FBXO42: variants seen among roughly 807,000 people sequenced by gnomAD.
FBXO42 encodes the protein F-box only protein 42.
A neutral mutation model predicts 71.7 loss-of-function variants in FBXO42; 12 were observed. The ratio of observed to expected loss-of-function variants is 0.17; its 90% CI spans 0.11 to 0.27. FBXO42 has a LOEUF of 0.27. FBXO42 is among the 10% of genes least tolerant of loss of function. The pLI is 1.00. For missense variants in FBXO42, 707 were observed against 911.9 expected, an observed-to-expected ratio of 0.78 and a Z score of 2.89; for synonymous variants, 325 against 327.5, an observed-to-expected ratio of 0.99 and a Z score of 0.08.
At chr1:16,308,145 C>T (rs1295471174) in intron 2 of FBXO42, among the ~76,000 whole-genome samples, 1 of 151,582 alleles carries the variant, frequency 6.6e-6, no homozygotes, top group African/African-American at 2.4e-5. Context: ...CAAATACAGT[C>T]CATTCATTTT....
intron 1 of FBXO42, among the ~76,000 whole-genome samples, chr1:16,318,216 C>T (rs1304641802): frequency 2.0e-5 from 3 of 152,174 alleles, no homozygotes; most frequent in Admixed American, 6.6e-5. Context: ...GTCAAGAGTT[C>T]GAGACCAGCA....
In FBXO42 at chr1:16,322,566, ACT is replaced by A. The variant is rs1381146625; in HGVS notation, c.-17-7133_-17-7132del. On this transcript the variant is annotated intron_variant, in intron 1 of 9. Coordinates refer to ENST00000375592, the MANE Select transcript of FBXO42 (RefSeq NM_018994.3). Reference sequence around the variant, plus strand: ...ACTCCAGCCTGGGCAACAGAGCGAGACTCTGTCTCAAAATACAAAAAAAATTT... The same window carrying A: ...ACTCCAGCCTGGGCAACAGAGCGAGACTGTCTCAAAATACAAAAAAAATTT... Among the ~76,000 whole-genome samples, 16 of 152,174 alleles carry A rather than the reference ACT, an allele frequency of 1.1e-4. No homozygotes were observed. In the East Asian group the frequency reaches 3.1e-3, roughly 29 times the overall value.
intron 1 of FBXO42, among the ~76,000 whole-genome samples, chr1:16,326,390 A>T (rs2082453197): frequency 6.7e-6 from 1 of 150,002 alleles, no homozygotes; most frequent in Non-Finnish European, 1.5e-5. Flanking sequence ...GAGTTTTAAA[A>T]TTTCTTCTTG....
At chr1:16,282,917 G>T (rs570202594) in intron 4 of FBXO42, among the ~76,000 whole-genome samples, 26 of 151,548 alleles carry the variant, frequency 1.7e-4, no homozygotes, top group African/African-American at 6.3e-4. Flanking sequence ...GGAGGCAGAG[G>T]ATGCAGTGAG....
intron 1 of FBXO42, among the ~76,000 whole-genome samples, chr1:16,347,288 G>T (rs998209692): frequency 2.7e-5 from 4 of 149,326 alleles, no homozygotes; most frequent in African/African-American, 9.9e-5. Flanking sequence ...GGCTGAGGCA[G>T]GTGGATCACT....
rs1040100996 is a variant in FBXO42 at position 16,247,124 on chromosome 1, C to G, written c.*3546G>C. On this transcript the variant is annotated 3_prime_UTR_variant, in exon 10 of 10. Transcript: ENST00000375592. ...GAGCAAGTAGAGTGTACAATGGAGCCAACACCTAAAGTTTGCTCTCATTTG... is the reference window on the plus strand; with the variant it reads ...GAGCAAGTAGAGTGTACAATGGAGCGAACACCTAAAGTTTGCTCTCATTTG... 1 of 152,218 alleles carries G rather than the reference C, an allele frequency of 6.6e-6. No homozygotes were observed. The highest frequency in any genetic ancestry group is 1.5e-5 in the Non-Finnish European group (1 of 68,054). The allele number at this position is 152,218 out of a possible 1,614,324, so 9.4% of individuals were successfully genotyped here.
rs763803507 is a variant in FBXO42 at position 16,315,233 on chromosome 1, G to C, written c.186C>G (p.Leu62=). Reference sequence around the variant, plus strand: ...CAGTTTTGTGTTCCTGATACGGTGAGAGAAAGGACAGGATATACTCCAAAA... The same window carrying C: ...CAGTTTTGTGTTCCTGATACGGTGACAGAAAGGACAGGATATACTCCAAAA... ...EEVLEYILSF[L]SPYQEHKTAA... is the part of the protein sequence containing the mutation. The change falls in exon 2 of 10, where the codon CTC becomes CTG. Residue 62 remains leucine (L), a synonymous_variant. Coordinates refer to ENST00000375592, the MANE Select transcript of FBXO42 (RefSeq NM_018994.3). 4 of 1,614,148 alleles carry C rather than the reference G, an allele frequency of 2.5e-6. No homozygotes were observed. Among genetic ancestry groups the C allele is most frequent in the East Asian group, 2.2e-5 (1 of 44,882 alleles).
chr1:16,319,616 A>G (rs1379198906), intron 1 of FBXO42, among the ~76,000 whole-genome samples: 1 of 152,198 alleles, frequency 6.6e-6, no homozygotes, highest in African/African-American at 2.4e-5. Flanking sequence ...AAACTGTATT[A>G]GAAAAAGGAT....
chr1:16,327,061 T>C lies in FBXO42; in HGVS notation c.-17-11626A>G, dbSNP rs116415686. Among the ~76,000 whole-genome samples the C allele has an allele frequency of 4.6e-3, 704 of 152,276 alleles. 7 individuals are homozygous for C. Among genetic ancestry groups the C allele is most frequent in the African/African-American group, 0.016 (659 of 41,572 alleles). On this transcript the variant is annotated intron_variant, in intron 1 of 9. Coordinates refer to ENST00000375592, the MANE Select transcript of FBXO42 (RefSeq NM_018994.3). ...TAACTTCCTTTTTTCCCCATTAGAGTGTACACTACTTGAGAGCAGAGACTA... is the reference window on the plus strand; with the variant it reads ...TAACTTCCTTTTTTCCCCATTAGAGCGTACACTACTTGAGAGCAGAGACTA...
At chr1:16,347,682 C>G (rs2082663790) in intron 1 of FBXO42, among the ~76,000 whole-genome samples, 1 of 151,848 alleles carries the variant, frequency 6.6e-6, no homozygotes, top group South Asian at 2.1e-4. Flanking sequence ...TGTTGAAACC[C>G]CATCTTTACT....
At chr1:16,314,286 G>C (rs1215314986) in intron 2 of FBXO42, among the ~76,000 whole-genome samples, 1 of 152,044 alleles carries the variant, frequency 6.6e-6, no homozygotes, top group Non-Finnish European at 1.5e-5. Context: ...ATGTATATAG[G>C]GTCTTTGCTG....
chr1:16,333,330 G>A (rs1482235885), intron 1 of FBXO42, among the ~76,000 whole-genome samples: 1 of 151,888 alleles, frequency 6.6e-6, no homozygotes, highest in Non-Finnish European at 1.5e-5. Context: ...CCCACATTAA[G>A]AGCCAGGAGT....
chr1:16,256,772 A>C lies in FBXO42; in HGVS notation c.503-13T>G. On this transcript the variant is annotated splice_polypyrimidine_tract_variant and intron_variant, in intron 4 of 9. Coordinates refer to ENST00000375592, the MANE Select transcript of FBXO42 (RefSeq NM_018994.3). ...GAAGGATAGGACCCTAGGGAAAGTC[A>C]GTAACACCATGGTTAGCATTCAGGA... 6.2e-7 allele frequency: 1 copy of C among 1,613,588 alleles called. No homozygotes were observed. Among genetic ancestry groups the C allele is most frequent in the South Asian group, 1.1e-5 (1 of 91,050 alleles).
chr1:16,337,314 G>A (rs2082560558), intron 1 of FBXO42, among the ~76,000 whole-genome samples: 1 of 152,110 alleles, frequency 6.6e-6, no homozygotes, highest in African/African-American at 2.4e-5. Flanking sequence ...CCATTAAAAT[G>A]TAGCTGGTAT....
At chr1:16,347,202 G>A (rs1235284853) in intron 1 of FBXO42, among the ~76,000 whole-genome samples, 4 of 151,956 alleles carry the variant, frequency 2.6e-5, no homozygotes, top group Non-Finnish European at 5.9e-5. Flanking sequence ...CAAAACACTG[G>A]AAAAAATTAA....
rs1553156684 is a variant in FBXO42, at chr1:16,350,757, A to AGAAAGAAAGAAAGAAAGAAAGAAAGAAAG, written c.-18+1497_-18+1498insCTTTCTTTCTTTCTTTCTTTCTTTCTTTC. ...GTGAGAAACTGCAAAAAAAAAAAAA[A>AGAAAGAAAGAAAGAAAGAAAGAAAGAAAG]AAAGAAAGAAAGAAAGAAAGAAAGA... On this transcript the variant is annotated intron_variant, in intron 1 of 9. Transcript: ENST00000375592. 6.8e-4 allele frequency among the ~76,000 whole-genome samples: 30 copies of AGAAAGAAAGAAAGAAAGAAAGAAAGAAAG among 44,266 alleles called. 1 individual carries two copies. Among genetic ancestry groups the AGAAAGAAAGAAAGAAAGAAAGAAAGAAAG allele is most frequent in the Non-Finnish European group, 1.1e-3 (27 of 24,388 alleles). The allele number at this position is 44,266 out of a possible 152,430, so 29.0% of individuals were successfully genotyped here.
At chr1:16,315,517 GTA>G in intron 1 of FBXO42, 82 bp from the exon 2 acceptor site, 1 of 1,410,972 alleles carries the variant, frequency 7.1e-7, no homozygotes, top group Non-Finnish European at 9.6e-7. Context: ...CAAGCTCTTT[GTA>G]ATTTCGTTTC....
At position 16,286,490 on chromosome 1, in the gene FBXO42, C is replaced by T. The variant is rs117105988; in HGVS notation, c.502+8293G>A. ...CTCACTATCATGAGAACAGCATGGG[C>T]GAACCACCCCCATGATCCAATTACC... On this transcript the variant is annotated intron_variant, in intron 4 of 9. Coordinates refer to ENST00000375592, the MANE Select transcript of FBXO42 (RefSeq NM_018994.3). Among the ~76,000 whole-genome samples, 288 of 152,202 alleles carry T rather than the reference C, an allele frequency of 1.9e-3. 7 individuals carry two copies. In the East Asian group the frequency reaches 0.037, roughly 20 times the overall value.
chr1:16,268,934 G>A (rs2081807989), intron 4 of FBXO42, among the ~76,000 whole-genome samples: 3 of 150,676 alleles, frequency 2.0e-5, no homozygotes, highest in South Asian at 2.1e-4. Context: ...TCAGCCTCCC[G>A]AGTAGCTGGG....
Sources: gnomAD v4.1 joint callset for allele counts (sites outside exome capture counted in the v4.1 genomes callset) on GRCh38, gnomAD v4.1.1 for gene constraint, MANE v1.5 for transcripts, NCBI Gene and HGNC (gene_info 2026-07-23, HGNC 2026-07-21) for gene names.